Variants in ZFHX2 observed in about 807,000 individuals in gnomAD.
The protein encoded by ZFHX2 is zinc finger homeobox 2.
ZFHX2 carries 75 observed loss-of-function variants against 164.8 expected under a neutral mutation model. That is an observed-to-expected ratio of 0.46 (90% CI 0.38 to 0.55). The LOEUF (loss-of-function observed/expected upper bound fraction) is 0.55, where lower values mean the gene tolerates loss of function less well. Among genes scored for constraint, ZFHX2 ranks in the 20% least tolerant of loss-of-function variants. ZFHX2 has a pLI of 0.00. For synonymous variants in ZFHX2, 1,217 were observed against 1,351.4 expected (o/e 0.90, Z 2.18); for missense variants, 2,933 against 3,308.0 (o/e 0.89, Z 2.78).
chr14:23,527,664 G>T lies in ZFHX2; in HGVS notation c.3075C>A (p.His1025Gln). 1.3e-6 allele frequency: 2 copies of T among 1,536,392 alleles called. No individual in the cohort carries two copies. The highest frequency in any genetic ancestry group is 1.7e-6 in the Non-Finnish European group (2 of 1,146,958). ...CGTTGTGAAGGTGGCTAAGGTGGAA[G>T]TGCAGGGCAGGCCGGCCCACCAGCT... The part of the protein sequence containing the change: ...QEQLVGRPAL[H>Q]FHLSHLHNVV... Residue 1025 changes from histidine (H) to glutamine (Q), a missense_variant, in exon 7 of 10, where the codon CAC becomes CAA. Physicochemically the swap from His to Gln is conservative, Grantham distance 24. Transcript: ENST00000419474.
chr14:23,521,903 C>A lies in ZFHX2; in HGVS notation c.*59G>T. The A allele has an allele frequency of 3.3e-6, 5 of 1,529,656 alleles. No individual in the cohort carries two copies. Among genetic ancestry groups the A allele is most frequent in the Non-Finnish European group, 4.4e-6 (5 of 1,144,324 alleles). 94.8% of individuals were successfully genotyped at this position (1,529,656 alleles called of 1,614,324 possible). On this transcript the variant is annotated 3_prime_UTR_variant, in exon 10 of 10. Transcript: ENST00000419474. ...GGGATTTGAGCTCCCACCGAACACCCCTTGGGGTAAAAGAGGGAGCCCTGA... is the reference window on the plus strand; with the variant it reads ...GGGATTTGAGCTCCCACCGAACACCACTTGGGGTAAAAGAGGGAGCCCTGA...
chr14:23,526,074 G>A lies in ZFHX2; in HGVS notation c.3868C>T (p.Arg1290Cys), dbSNP rs1307042586. 47 of 1,536,406 alleles carry A rather than the reference G, an allele frequency of 3.1e-5. No homozygotes were observed. The highest frequency in any genetic ancestry group is 7.3e-5 in the East Asian group (3 of 40,922). Residue 1290 changes from arginine (R) to cysteine (C), a missense_variant, in exon 9 of 10, where the codon CGC (arginine) becomes TGC (cysteine). Arg to Cys is a radical substitution (Grantham distance 180, BLOSUM62 -3). Transcript: ENST00000419474. ...KTDSKIEGPE[R>C]SQEEPKEGET... The stretch of plus-strand genomic sequence containing the variant: ...CCTTCCTTGGGCTCTTCTTGGCTGC[G>A]TTCTGGCCCTTCAATCTTGGAATCA...
rs913466107 is a variant in ZFHX2, at chr14:23,532,854, G to A, written c.2272C>T (p.His758Tyr). 1.3e-6 allele frequency: 2 copies of A among 1,536,194 alleles called. No homozygotes were observed. Among genetic ancestry groups the A allele is most frequent in the African/African-American group, 1.4e-5 (1 of 73,048 alleles). Residue 758 changes from histidine to tyrosine, a missense_variant, in exon 3 of 10, where the codon CAC becomes TAC. His to Tyr is a moderately conservative substitution (Grantham distance 83, BLOSUM62 2). Coordinates refer to ENST00000419474, the MANE Select transcript of ZFHX2 (RefSeq NM_033400.3). Reference protein sequence around the residue: ...AEWKEVAGDTHRCKLCCYGTQ... With the variant: ...AEWKEVAGDTYRCKLCCYGTQ... ...CCATAGCAGCAAAGCTTGCAGCGGT[G>A]GGTGTCACCAGCCACCTCCTTCCAT... is the stretch of plus-strand genomic sequence containing the variant.
Position 23,522,187 on chromosome 14 carries a change from C to T in ZFHX2, c.7494G>A (p.Leu2498=), listed in dbSNP as rs1417847937. ...GCCCACTCAGCAGCACCTCACATGCCAGGCAGTGGTAGGTGCAGATGGGCA... is the reference window on the plus strand; with the variant it reads ...GCCCACTCAGCAGCACCTCACATGCTAGGCAGTGGTAGGTGCAGATGGGCA... ...LRVPICTYHC[L]ACEVLLSGRE... is the part of the protein sequence containing the mutation. The change falls in exon 10 of 10, where the codon CTG becomes CTA. Residue 2498 remains leucine (L), a synonymous_variant. Transcript: ENST00000419474. 6.7e-7 allele frequency: 1 copy of T among 1,491,448 alleles called. No individual in the cohort carries two copies. The highest frequency in any genetic ancestry group is 2.5e-5 in the East Asian group (1 of 40,666). 92.4% of individuals were successfully genotyped at this position (1,491,448 alleles called of 1,614,324 possible).
At position 23,525,460 on chromosome 14, in the gene ZFHX2, G is replaced by C. The variant is rs1470668028; in HGVS notation, c.4482C>G (p.Ile1494Met). Residue 1494 changes from isoleucine to methionine, a missense_variant, in exon 9 of 10, where the codon ATC becomes ATG. By Grantham distance (10) the Ile-to-Met change is conservative. Coordinates refer to ENST00000419474, the MANE Select transcript of ZFHX2 (RefSeq NM_033400.3). This position sits in a 1 kb window ranked among gnomAD's most constrained non-coding sequence, Gnocchi z 5.9. The stretch of plus-strand genomic sequence containing the variant: ...GGACATGTTCCTCGTGTGTCTTGAG[G>C]ATAAGCATATTGGAGAAGAGTTTCC... ...ACGKLFSNML[I>M]LKTHEEHVHR... The C allele has an allele frequency of 1.3e-5, 20 of 1,536,010 alleles. No homozygotes were observed. The highest frequency in any genetic ancestry group is 1.7e-5 in the Non-Finnish European group (20 of 1,146,912).
chr14:23,524,139 C>T lies in ZFHX2; in HGVS notation c.5803G>A (p.Ala1935Thr), dbSNP rs1203269184. The change falls in exon 9 of 10, where the codon GCC (alanine) becomes ACC (threonine). Residue 1935 changes from alanine to threonine, a missense_variant. By Grantham distance (58) the Ala-to-Thr change is moderately conservative. Coordinates refer to ENST00000419474, the MANE Select transcript of ZFHX2 (RefSeq NM_033400.3). This position sits in a 1 kb window ranked among gnomAD's most constrained non-coding sequence, Gnocchi z 5.6. ...AACTTGGGCAAGGATGCAGGGGTGG[C>T]TGTGGCAGGCGGTTTCACTGCTGGA... is the stretch of plus-strand genomic sequence containing the variant. Reference protein sequence around the residue: ...PSPAVKPPATATPASLPKFNL... With the variant: ...PSPAVKPPATTTPASLPKFNL... 6 of 1,535,992 alleles carry T rather than the reference C, an allele frequency of 3.9e-6. No homozygotes were observed. The highest frequency in any genetic ancestry group is 1.2e-5 in the South Asian group (1 of 84,054).
In ZFHX2 at chr14:23,522,426, G is replaced by A. The variant is rs1171894375; in HGVS notation, c.7255C>T (p.Pro2419Ser). Residue 2419 changes from proline (P) to serine (S), a missense_variant, in exon 10 of 10, where the codon CCT (proline) becomes TCT (serine). Physicochemically the swap from Pro to Ser is moderately conservative, Grantham distance 74 (BLOSUM62 -1). Transcript: ENST00000419474. ...CCCTCCCCTGGAGCAGGCAGTTCAGGAGGCTTTGGAGGTGCTGTGGCTGTG... is the reference window on the plus strand; with the variant it reads ...CCCTCCCCTGGAGCAGGCAGTTCAGAAGGCTTTGGAGGTGCTGTGGCTGTG... ...EPTATAPPKP[P>S]ELPAPGEGEA... 1 of 1,536,468 alleles carries A rather than the reference G, an allele frequency of 6.5e-7. No homozygotes were observed. Among genetic ancestry groups the A allele is most frequent in the African/African-American group, 1.4e-5 (1 of 73,180 alleles).
chr14:23,547,788 C>T (rs962613243), intron 1 of ZFHX2, among the ~76,000 whole-genome samples: 10 of 152,284 alleles, frequency 6.6e-5, no homozygotes, highest in East Asian at 5.8e-4. Flanking sequence ...ACTAATTCAA[C>T]GTTTGATCAG....
At chr14:23,552,318 G>C (rs1375229485), upstream of ZFHX2, among the ~76,000 whole-genome samples, 4 of 148,936 alleles carry the variant, frequency 2.7e-5, no homozygotes, top group Non-Finnish European at 5.9e-5. Flanking sequence ...TCTGGAGACG[G>C]AGTCTCACTC....
Position 23,533,000 on chromosome 14 carries a change from G to C in ZFHX2, c.2126C>G (p.Pro709Arg). ...CTTCAGGGACAGGCTGTCGTCTGGG[G>C]GTGGTGAGGTGGGCAGGCTGTCAGA... ...SSSDSLPTSP[P>R]PDDSLSLKVF... The change falls in exon 3 of 10, where the codon CCC becomes CGC. Residue 709 changes from proline to arginine, a missense_variant. Transcript: ENST00000419474. 1 of 1,536,186 alleles carries C rather than the reference G, an allele frequency of 6.5e-7. No homozygotes were observed. Among genetic ancestry groups the C allele is most frequent in the South Asian group, 1.2e-5 (1 of 84,062 alleles).
Position 23,523,413 on chromosome 14 carries a change from C to T in ZFHX2, c.6529G>A (p.Ala2177Thr), listed in dbSNP as rs1476974396. 1.5e-5 allele frequency: 23 copies of T among 1,528,540 alleles called. No homozygotes were observed. The highest frequency in any genetic ancestry group is 1.9e-5 in the Non-Finnish European group (22 of 1,143,114). 94.7% of individuals were successfully genotyped at this position (1,528,540 alleles called of 1,614,324 possible). ...TCACTCTTCAGCTGGGCTCGAACCGCCTCCTTGAGCTTGGCCAGGTGCTGA... is the reference window on the plus strand; with the variant it reads ...TCACTCTTCAGCTGGGCTCGAACCGTCTCCTTGAGCTTGGCCAGGTGCTGA... Reference protein sequence around the residue: ...SRQHLAKLKEAVRAQLKSESK... With the variant: ...SRQHLAKLKETVRAQLKSESK... The change falls in exon 9 of 10, where the codon GCG becomes ACG. Residue 2177 changes from alanine (A) to threonine (T), a missense_variant. Physicochemically the swap from Ala to Thr is moderately conservative, Grantham distance 58. Coordinates refer to ENST00000419474, the MANE Select transcript of ZFHX2 (RefSeq NM_033400.3). This position sits in a 1 kb window ranked among gnomAD's most constrained non-coding sequence, Gnocchi z 4.1.
rs1350260129 is a variant in ZFHX2, at chr14:23,522,064, AG to A, written c.7616del (p.Thr2539MetfsTer32). ...CAAAAGCCACAGCAGCCGAGGCAGCAGTGGCGGCGTTGGTGATGGAGATGGG... is the reference window on the plus strand; with the variant it reads ...CAAAAGCCACAGCAGCCGAGGCAGCATGGCGGCGTTGGTGATGGAGATGGG... Reference protein sequence around the residue: ...GPPISITNAATAASAAVAFAK... With the variant: ...GPPISITNAAXAASAAVAFAK... On this transcript the variant is annotated frameshift_variant, in exon 10 of 10. Transcript: ENST00000419474. LOFTEE classifies it high-confidence loss of function. 1 of 1,536,376 alleles carries A rather than the reference AG, an allele frequency of 6.5e-7. No homozygotes were observed. Among genetic ancestry groups the A allele is most frequent in the East Asian group, 2.4e-5 (1 of 40,918 alleles).
At chr14:23,547,965 C>T (rs1418253999) in intron 1 of ZFHX2, among the ~76,000 whole-genome samples, 1 of 152,178 alleles carries the variant, frequency 6.6e-6, no homozygotes, top group East Asian at 1.9e-4. Flanking sequence ...CCCATTTCCC[C>T]CCTTTCTGTA....
Position 23,534,951 on chromosome 14 carries a change from C to A in ZFHX2, c.375G>T (p.Val125=). The change falls in exon 2 of 10, where the codon GTG becomes GTT. Residue 125 remains valine, a synonymous_variant. Transcript: ENST00000419474. This position sits in a 1 kb window ranked among gnomAD's most constrained non-coding sequence, Gnocchi z 4.5. ...TGCCACCTGGCAGGGACAGCTTGGC[C>A]ACTAGGTAGGCCTCACCTCCAGCTG... The part of the protein sequence containing the change: ...FFTAGGEAYL[V]AKLSLPGGSE... The A allele has an allele frequency of 2.6e-6, 4 of 1,536,124 alleles. No individual in the cohort carries two copies. The highest frequency in any genetic ancestry group is 3.5e-6 in the Non-Finnish European group (4 of 1,146,920).
intron 1 of ZFHX2, among the ~76,000 whole-genome samples, chr14:23,539,413 G>A (rs1256770038): frequency 1.3e-5 from 2 of 152,186 alleles, no homozygotes; most frequent in Admixed American, 1.3e-4. Context: ...GACCCAGAAA[G>A]CTGCCGAGAG....
upstream of ZFHX2, among the ~76,000 whole-genome samples, chr14:23,552,871 G>A (rs920061744): frequency 2.6e-5 from 4 of 152,046 alleles, no homozygotes; most frequent in Admixed American, 2.0e-4. Flanking sequence ...CAAAGTCCTG[G>A]GATTATAGGG....
Position 23,523,779 on chromosome 14 carries a change from C to T in ZFHX2, c.6163G>A (p.Gly2055Ser), listed in dbSNP as rs1297350908. The change falls in exon 9 of 10, where the codon GGT becomes AGT. Residue 2055 changes from glycine to serine, a missense_variant. Transcript: ENST00000419474. This position sits in a 1 kb window ranked among gnomAD's most constrained non-coding sequence, Gnocchi z 4.1. ...ATTCCATCTGGAACCCCAGTCCCAC[C>T]TCCAGGTCCCCCACTGGTCCCTCCA... Reference protein sequence around the residue: ...GAGGTSGGPGGGTGVPDGMGQ... With the variant: ...GAGGTSGGPGSGTGVPDGMGQ... 1.3e-6 allele frequency: 2 copies of T among 1,536,264 alleles called. No individual in the cohort carries two copies. The highest frequency in any genetic ancestry group is 1.2e-5 in the South Asian group (1 of 84,060).
Position 23,526,196 on chromosome 14 carries a change from T to C in ZFHX2, c.3746A>G (p.Lys1249Arg). Residue 1249 changes from lysine (K) to arginine (R), a missense_variant, in exon 9 of 10, where the codon AAG becomes AGG. Coordinates refer to ENST00000419474, the MANE Select transcript of ZFHX2 (RefSeq NM_033400.3). The part of the protein sequence containing the change: ...TTTAATDKPF[K>R]CTVCRVSYNQ... Reference sequence around the variant, plus strand: ...GTAGGAGACTCTGCAGACTGTGCACTTAAAGGGCTTGTCTGTGGCAGCAGT... The same window carrying C: ...GTAGGAGACTCTGCAGACTGTGCACCTAAAGGGCTTGTCTGTGGCAGCAGT... The C allele has an allele frequency of 6.5e-7, 1 of 1,536,426 alleles. No individual in the cohort carries two copies. Among genetic ancestry groups the C allele is most frequent in the Non-Finnish European group, 8.7e-7 (1 of 1,146,920 alleles).
At position 23,546,883 on chromosome 14, in the gene ZFHX2, C is replaced by G. The variant is rs1431089635; in HGVS notation, c.-50+4460G>C. Among the ~76,000 whole-genome samples the G allele has an allele frequency of 7.9e-5, 12 of 152,166 alleles. No homozygotes were observed. ...TCCTTCCTTCAGGCCCCCCGCCCAC[C>G]AGCCCCTTCTTTAGCTGCCCTGGCC... On this transcript the variant is annotated intron_variant, in intron 1 of 9. Transcript: ENST00000419474. This position sits in a 1 kb window ranked among gnomAD's most constrained non-coding sequence, Gnocchi z 4.7.
Sources: gnomAD v4.1 joint callset for allele counts (sites outside exome capture counted in the v4.1 genomes callset) on GRCh38, gnomAD v4.1.1 for gene constraint, Gnocchi (gnomAD v3.1) non-coding constraint, MANE v1.5 for transcripts, NCBI Gene and HGNC (gene_info 2026-07-23, HGNC 2026-07-21) for gene names.